PLS1: variants seen among roughly 807,000 people sequenced by gnomAD.
PLS1 encodes plastin 1.
A neutral mutation model predicts 73.7 loss-of-function variants in PLS1; 32 were observed. The ratio of observed to expected loss-of-function variants is 0.43; its 90% CI spans 0.33 to 0.58. The LOEUF (loss-of-function observed/expected upper bound fraction) is 0.58, where lower values mean the gene tolerates loss of function less well. Among genes scored for constraint, PLS1 ranks in the 20% least tolerant of loss-of-function variants. PLS1 has a pLI of 0.04. For missense variants in PLS1, 633 were observed against 740.5 expected, an observed-to-expected ratio of 0.85 and a Z score of 1.68; for synonymous variants, 217 against 261.3, an observed-to-expected ratio of 0.83 and a Z score of 1.63.
intron 1 of PLS1, among the ~76,000 whole-genome samples, chr3:142,605,036 A>G (rs1454894473): frequency 2.0e-5 from 3 of 152,214 alleles, no homozygotes; most frequent in South Asian, 2.1e-4. Flanking sequence ...GGGCAATTTA[A>G]AGTTTAGATA....
chr3:142,705,133 G>C (rs977689143), intron 14 of PLS1, among the ~76,000 whole-genome samples: 1 of 151,906 alleles, frequency 6.6e-6, no homozygotes, highest in East Asian at 1.9e-4. Context: ...TATAAATGTA[G>C]GTTAATATTA....
chr3:142,604,305 A>G (rs2035980230), intron 1 of PLS1, among the ~76,000 whole-genome samples: 1 of 152,154 alleles, frequency 6.6e-6, no homozygotes, highest in African/African-American at 2.4e-5. Context: ...AGTATTTATA[A>G]TCTTTGTAAA....
intron 1 of PLS1, among the ~76,000 whole-genome samples, chr3:142,629,225 C>T (rs568315679): frequency 1.4e-3 from 209 of 147,188 alleles, no homozygotes; most frequent in African/African-American, 5.1e-3. Flanking sequence ...GAGACATAGT[C>T]TCACTCTGTC....
intron 8 of PLS1, among the ~76,000 whole-genome samples, chr3:142,684,620 G>A (rs1255508342): frequency 6.6e-6 from 1 of 152,194 alleles, no homozygotes; most frequent in Non-Finnish European, 1.5e-5. Flanking sequence ...CTGACTGTGA[G>A]AGGAAAGAGG....
At chr3:142,652,816 T>G (rs1325888652) in intron 1 of PLS1, among the ~76,000 whole-genome samples, 1 of 152,224 alleles carries the variant, frequency 6.6e-6, no homozygotes, top group Non-Finnish European at 1.5e-5. Flanking sequence ...GCATGCTGAT[T>G]TAACCATTCA....
rs1270782552 is a variant in PLS1, at chr3:142,600,897, TATATATATATATATATA to T, written c.-37+4389_-37+4405del. ...GGTTTCATATATATATATATATATATATATATATATATATATATATTTTTTTTTTTTTTTTTTTTTTT... is the reference window on the plus strand; with the variant it reads ...GGTTTCATATATATATATATATATATTATTTTTTTTTTTTTTTTTTTTTTT... On this transcript the variant is annotated intron_variant, in intron 1 of 15. Coordinates refer to ENST00000457734, the MANE Select transcript of PLS1 (RefSeq NM_001145319.2). Among the ~76,000 whole-genome samples, 168 of 29,784 alleles carry T rather than the reference TATATATATATATATATA, an allele frequency of 5.6e-3. 6 individuals are homozygous for T. The highest frequency in any genetic ancestry group is 0.027 in the African/African-American group (145 of 5,360). 19.5% of individuals were successfully genotyped at this position (29,784 alleles called of 152,430 possible).
intron 9 of PLS1, among the ~76,000 whole-genome samples, chr3:142,688,232 G>A (rs2038012887): frequency 6.6e-6 from 1 of 152,164 alleles, no homozygotes; most frequent in African/African-American, 2.4e-5. Flanking sequence ...ACAGGCATGA[G>A]CCACCACGTC....
chr3:142,630,972 C>CACACACAT (rs1165182238), intron 1 of PLS1, among the ~76,000 whole-genome samples: 1 of 151,442 alleles, frequency 6.6e-6, no homozygotes, highest in African/African-American at 2.4e-5. Context: ...CACACACACA[C>CACACACAT]ATAGAGGGAG....
At chr3:142,692,018 C>G (rs2038095441) in intron 10 of PLS1, among the ~76,000 whole-genome samples, 1 of 151,938 alleles carries the variant, frequency 6.6e-6, no homozygotes, top group East Asian at 1.9e-4. Flanking sequence ...CCTCTGTGAG[C>G]CTTGGTTTTT....
At chr3:142,599,246 A>G (rs1442011466) in intron 1 of PLS1, among the ~76,000 whole-genome samples, 2 of 151,350 alleles carry the variant, frequency 1.3e-5, no homozygotes, top group African/African-American at 4.9e-5. Context: ...GAGGGTGGGC[A>G]TTTAGGATCT....
At chr3:142,643,565 A>G (rs867100417) in intron 1 of PLS1, among the ~76,000 whole-genome samples, 12 of 152,180 alleles carry the variant, frequency 7.9e-5, no homozygotes, top group African/African-American at 2.4e-4. Context: ...GGCTACGCTC[A>G]CTGATGACAA....
intron 1 of PLS1, among the ~76,000 whole-genome samples, chr3:142,623,950 C>T (rs1336544969): frequency 1.3e-5 from 2 of 151,996 alleles, no homozygotes; most frequent in Non-Finnish European, 2.9e-5. Flanking sequence ...TGCACTCTTT[C>T]TGTGCCATCT....
At chr3:142,618,656 A>C (rs998916251) in intron 1 of PLS1, among the ~76,000 whole-genome samples, 7 of 152,118 alleles carry the variant, frequency 4.6e-5, no homozygotes, top group African/African-American at 1.4e-4. Flanking sequence ...GGCCACCTGC[A>C]TTCCTTGGCT....
intron 9 of PLS1, among the ~76,000 whole-genome samples, chr3:142,689,282 G>A (rs934172643): frequency 3.3e-5 from 5 of 151,986 alleles, no homozygotes; most frequent in African/African-American, 1.2e-4. Context: ...AAATTAGCTG[G>A]GCATAGTGGC....
At chr3:142,644,740 C>T (rs1344521423) in intron 1 of PLS1, among the ~76,000 whole-genome samples, 5 of 152,022 alleles carry the variant, frequency 3.3e-5, no homozygotes, top group African/African-American at 1.2e-4. Flanking sequence ...ACTTGAGTGT[C>T]GTGATTCATT....
At chr3:142,622,609 A>C (rs2036338043) in intron 1 of PLS1, among the ~76,000 whole-genome samples, 1 of 152,232 alleles carries the variant, frequency 6.6e-6, no homozygotes, top group African/African-American at 2.4e-5. Flanking sequence ...TGGAGCCATC[A>C]TAAAAGATGT....
intron 4 of PLS1, among the ~76,000 whole-genome samples, chr3:142,674,459 G>A (rs1325302282): frequency 6.6e-6 from 1 of 152,062 alleles, no homozygotes; most frequent in African/African-American, 2.4e-5. Flanking sequence ...CAATGGAGAA[G>A]GCCAAATCAT....
At chr3:142,679,248 C>T (rs1212941066) in intron 6 of PLS1, among the ~76,000 whole-genome samples, 1 of 151,314 alleles carries the variant, frequency 6.6e-6, no homozygotes, top group Non-Finnish European at 1.5e-5. Flanking sequence ...ATGGTAGTTT[C>T]TTTTGCTGTG....
At chr3:142,711,394 A>G (rs993838460) in intron 14 of PLS1, 107 bp from the exon 15 acceptor site, 4 of 742,772 alleles carry the variant, frequency 5.4e-6, no homozygotes, top group Non-Finnish European at 8.7e-6. Context: ...TAGGTTAAGT[A>G]CAAAGAATTT....
Sources: gnomAD v4.1 joint callset for allele counts (sites outside exome capture counted in the v4.1 genomes callset) on GRCh38, gnomAD v4.1.1 for gene constraint, MANE v1.5 for transcripts, NCBI Gene and HGNC (gene_info 2026-07-23, HGNC 2026-07-21) for gene names.